The following LRP6 variants were observed in gnomAD, a reference collection of about 807,000 sequenced individuals.
LRP6 encodes LDL receptor related protein 6, also known as low-density lipoprotein receptor-related protein 6.
In LRP6, 43 loss-of-function variants were observed where a neutral mutation model predicts 184.1. That is an observed-to-expected ratio of 0.23 (90% CI 0.18 to 0.30). The LOEUF is 0.30. LRP6 is among the 10% of genes least tolerant of loss of function. The pLI, the probability that LRP6 is intolerant of heterozygous loss-of-function variation, is 1.00. For missense variants in LRP6, 1,571 were observed against 2,005.3 expected (o/e 0.78, Z 4.14); for synonymous variants, 719 against 684.9 (o/e 1.05, Z -0.78).
intron 1 of LRP6, among the ~76,000 whole-genome samples, chr12:12,248,181 A>ACCT (rs1865234242): frequency 6.6e-6 from 1 of 151,714 alleles, no homozygotes; most frequent in South Asian, 2.1e-4. Flanking sequence ...CAGCCTCCTT[A>ACCT]CCTCCTCTCT....
intron 2 of LRP6, among the ~76,000 whole-genome samples, chr12:12,210,065 C>T (rs534258718): frequency 1.3e-5 from 2 of 152,130 alleles, no homozygotes; most frequent in Non-Finnish European, 2.9e-5. Context: ...ATCCATAGAG[C>T]TGTAGCATAT....
At chr12:12,204,279 CAAAA>C (rs61067494) in intron 2 of LRP6, among the ~76,000 whole-genome samples, 2 of 96,218 alleles carry the variant, frequency 2.1e-5, no homozygotes, top group Non-Finnish European at 2.0e-5. Context: ...TCATAAAAGT[CAAAA>C]AAAAAAAAAA....
intron 2 of LRP6, among the ~76,000 whole-genome samples, chr12:12,230,053 G>GT (rs1864741574): frequency 6.6e-6 from 1 of 152,152 alleles, no homozygotes; most frequent in Non-Finnish European, 1.5e-5. Context: ...TTTTATTGCT[G>GT]TGTCTGGTCT....
chr12:12,205,686 G>T (rs540246971), intron 2 of LRP6, among the ~76,000 whole-genome samples: 5 of 152,190 alleles, frequency 3.3e-5, no homozygotes. Flanking sequence ...ACTGAGAAAT[G>T]TAAGCACATC....
At chr12:12,205,114 A>G (rs1270933888) in intron 2 of LRP6, among the ~76,000 whole-genome samples, 1 of 151,856 alleles carries the variant, frequency 6.6e-6, no homozygotes, top group African/African-American at 2.4e-5. Context: ...GGATCACTTC[A>G]GGTCAGGAGT....
chr12:12,249,209 A>C, intron 1 of LRP6: 1 of 785,274 alleles, frequency 1.3e-6, no homozygotes, highest in South Asian at 1.4e-5. Context: ...GTGGACCTAA[A>C]TACCCAGAAG....
chr12:12,201,210 T>C (rs574601893), intron 3 of LRP6, among the ~76,000 whole-genome samples: 6 of 152,346 alleles, frequency 3.9e-5, no homozygotes, highest in African/African-American at 1.2e-4. Flanking sequence ...CTCTATTCTA[T>C]TGTCCCTATC....
intron 7 of LRP6, among the ~76,000 whole-genome samples, chr12:12,175,826 C>A (rs1330465253): frequency 1.3e-5 from 2 of 151,498 alleles, no homozygotes; most frequent in African/African-American, 4.8e-5. Flanking sequence ...TAGAAACACA[C>A]TGATTTTGTC....
At chr12:12,175,272 C>T (rs1221626758) in intron 7 of LRP6, among the ~76,000 whole-genome samples, 1 of 152,046 alleles carries the variant, frequency 6.6e-6, no homozygotes, top group African/African-American at 2.4e-5. Flanking sequence ...GCCTGTAATC[C>T]CAGCTACTCG....
chr12:12,245,375 A>T (rs1209115242), intron 1 of LRP6, among the ~76,000 whole-genome samples: 1 of 152,216 alleles, frequency 6.6e-6, no homozygotes, highest in Non-Finnish European at 1.5e-5. Flanking sequence ...CAAAAGGCAA[A>T]CTTTTGTAAA....
intron 19 of LRP6, among the ~76,000 whole-genome samples, chr12:12,127,588 A>C (rs909169469): frequency 4.6e-5 from 7 of 152,160 alleles, no homozygotes; most frequent in African/African-American, 1.7e-4. Flanking sequence ...GAAAGGCCAC[A>C]TTGCCAGAAG....
intron 2 of LRP6, chr12:12,226,710 C>T (rs1864632829): frequency 6.6e-6 from 1 of 152,224 alleles, no homozygotes. Flanking sequence ...AACACTGGAA[C>T]AATTCACAGA....
At chr12:12,246,766 C>T (rs1031481781) in intron 1 of LRP6, among the ~76,000 whole-genome samples, 3 of 152,040 alleles carry the variant, frequency 2.0e-5, no homozygotes, top group African/African-American at 7.2e-5. Flanking sequence ...CATCTGAAGC[C>T]AAGCCCAACT....
chr12:12,150,624 C>A (rs916743685), intron 13 of LRP6, among the ~76,000 whole-genome samples: 6 of 152,216 alleles, frequency 3.9e-5, no homozygotes, highest in African/African-American at 1.2e-4. Flanking sequence ...AGCTTAAGTA[C>A]GCCTAACAAT....
At position 12,131,917 on chromosome 12, in the gene LRP6, G is replaced by C; in HGVS notation, c.3874C>G (p.Gln1292Glu). 6.2e-7 allele frequency: 1 copy of C among 1,614,198 alleles called. No homozygotes were observed. ...ELNCPVCSES[Q>E]FQCASGQCID... ...CACTGCCCACTGGCACACTGGAACT[G>C]GGACTCTGAGCATACAGGACAATTG... Residue 1292 changes from glutamine (Q) to glutamate (E), a missense_variant, in exon 18 of 23, where the codon CAG becomes GAG. Coordinates refer to ENST00000261349, the MANE Select transcript of LRP6 (RefSeq NM_002336.3).
At position 12,189,401 on chromosome 12, in the gene LRP6, A is replaced by G. The variant is rs574241133; in HGVS notation, c.648-2282T>C. The stretch of plus-strand genomic sequence containing the variant: ...TTTTCAATATTTTAACATTTCTGAT[A>G]TAAGGGTAACATTTACAATGTGAAT... On this transcript the variant is annotated intron_variant, in intron 3 of 22. Transcript: ENST00000261349. Among the ~76,000 whole-genome samples the G allele has an allele frequency of 2.6e-5, 4 of 152,346 alleles. No individual in the cohort carries two copies. In the East Asian group the frequency reaches 7.7e-4, roughly 29 times the overall value.
At chr12:12,124,041 T>C (rs1949638267) in intron 22 of LRP6, among the ~76,000 whole-genome samples, 1 of 151,836 alleles carries the variant, frequency 6.6e-6, no homozygotes, top group African/African-American at 2.4e-5. Context: ...CTGTATTTTA[T>C]TATTATAAAA....
rs1397413336 is a variant in LRP6 at position 12,164,336 on chromosome 12, T to G, written c.1989A>C (p.Glu663Asp). The change falls in exon 9 of 23, where the codon GAA (glutamate) becomes GAC (aspartate). Residue 663 changes from glutamate to aspartate, a missense_variant. By Grantham distance (45) the Glu-to-Asp change is conservative. Transcript: ENST00000261349. The part of the protein sequence containing the change: ...NVAIPLTGVK[E>D]ASALDFDVTD... ...TCACATCAAAATCCAAAGCAGAAGCTTCTTTGACACCAGTGAGTGGAATAG... is the reference window on the plus strand; with the variant it reads ...TCACATCAAAATCCAAAGCAGAAGCGTCTTTGACACCAGTGAGTGGAATAG... 6 of 1,614,044 alleles carry G rather than the reference T, an allele frequency of 3.7e-6. No homozygotes were observed. Among genetic ancestry groups the G allele is most frequent in the Non-Finnish European group, 5.1e-6 (6 of 1,180,024 alleles).
intron 2 of LRP6, among the ~76,000 whole-genome samples, chr12:12,204,117 A>G (rs1474896189): frequency 6.6e-6 from 1 of 152,164 alleles, no homozygotes; most frequent in Non-Finnish European, 1.5e-5. Flanking sequence ...TTCATGTGAT[A>G]TACCTTTACA....
Sources: gnomAD v4.1 joint callset for allele counts (sites outside exome capture counted in the v4.1 genomes callset) on GRCh38, gnomAD v4.1.1 for gene constraint, MANE v1.5 for transcripts, NCBI Gene and HGNC (gene_info 2026-07-23, HGNC 2026-07-21) for gene names.